The following TMEM200A variants were observed in gnomAD, a reference collection of about 807,000 sequenced individuals.
The protein encoded by TMEM200A is transmembrane protein 200A.
Under a neutral mutation model 24.3 loss-of-function variants are expected in TMEM200A, and 12 were observed. That is an observed-to-expected ratio of 0.49 (90% CI 0.32 to 0.80). The LOEUF is 0.80. Ranked by LOEUF, TMEM200A falls within the 30% of genes least tolerant of loss-of-function variation. The probability of loss-of-function intolerance (pLI) is 0.04; values close to 1 mark genes in which losing one functional copy is unlikely to be tolerated. For synonymous variants in TMEM200A, 224 were observed against 224.4 expected (o/e 1.00, Z 0.02); for missense variants, 545 against 614.4 (o/e 0.89, Z 1.19).
At chr6:130,434,416 T>C (rs973891993) in intron 2 of TMEM200A, among the ~76,000 whole-genome samples, 2 of 152,222 alleles carry the variant, frequency 1.3e-5, no homozygotes, top group Non-Finnish European at 2.9e-5. Context: ...CTCTCAGCTC[T>C]GGAAGTCTAT....
chr6:130,382,991 C>T lies in TMEM200A; in HGVS notation c.-80-2182C>T, dbSNP rs190841913. On this transcript the variant is annotated intron_variant, in intron 1 of 2. Coordinates refer to ENST00000296978, the MANE Select transcript of TMEM200A (RefSeq NM_001258277.2). ...AGTGACTCTAGATCAGGAAGCAAACCATCTCACCCAAGGGGCTGTGTGAGT... is the reference window on the plus strand; with the variant it reads ...AGTGACTCTAGATCAGGAAGCAAACTATCTCACCCAAGGGGCTGTGTGAGT... 112 of 984,726 alleles carry T rather than the reference C, an allele frequency of 1.1e-4. No individual in the cohort carries two copies. In the African/African-American group the frequency reaches 1.8e-3, roughly 16 times the overall value. 61.0% of individuals were successfully genotyped at this position (984,726 alleles called of 1,614,324 possible). A position where few individuals can be genotyped will look rare whatever the true frequency, so the allele number is the denominator to read the frequency against.
chr6:130,430,002 C>T (rs1286536775), intron 2 of TMEM200A, among the ~76,000 whole-genome samples: 1 of 152,164 alleles, frequency 6.6e-6, no homozygotes, highest in Non-Finnish European at 1.5e-5. Flanking sequence ...AAGCGACTCC[C>T]TCTTCATTTT....
At position 130,441,103 on chromosome 6, in the gene TMEM200A, G is replaced by A. The variant is rs1344100044; in HGVS notation, c.681G>A (p.Glu227=). Reference sequence around the variant, plus strand: ...GTTTTCGAATGGACAGCTCCGTGGAGGAGGATGAACTTATGTTAAATGAAG... The same window carrying A: ...GTTTTCGAATGGACAGCTCCGTGGAAGAGGATGAACTTATGTTAAATGAAG... ...RSSFRMDSSV[E]EDELMLNEGK... The change falls in exon 3 of 3, where the codon GAG becomes GAA. Residue 227 remains glutamate, a synonymous_variant. Coordinates refer to ENST00000296978, the MANE Select transcript of TMEM200A (RefSeq NM_001258277.2). The A allele has an allele frequency of 6.2e-7, 1 of 1,613,918 alleles. No individual in the cohort carries two copies. Among genetic ancestry groups the A allele is most frequent in the Non-Finnish European group, 8.5e-7 (1 of 1,180,000 alleles).
Position 130,440,873 on chromosome 6 carries a change from C to G in TMEM200A, c.451C>G (p.Arg151Gly). The change falls in exon 3 of 3, where the codon CGT (arginine) becomes GGT (glycine). Residue 151 changes from arginine (R) to glycine (G), a missense_variant. Arg to Gly is a moderately radical substitution (Grantham distance 125). Transcript: ENST00000296978. ...TGCTAATGCCATTCTTCATGAAAAC[C>G]GTGACAAAGAGACCAAAATCATACA... ...ICANAILHEN[R>G]DKETKIIHMR... 1 of 1,613,936 alleles carries G rather than the reference C, an allele frequency of 6.2e-7. No individual in the cohort carries two copies. The highest frequency in any genetic ancestry group is 8.5e-7 in the Non-Finnish European group (1 of 1,179,966).
chr6:130,422,031 A>C lies in TMEM200A; in HGVS notation c.-16-18376A>C, dbSNP rs111651567. Reference sequence around the variant, plus strand: ...CAGCAATGAAAATGGGATTGCAGATATCTCTTCAACATACTGATTTTATTT... The same window carrying C: ...CAGCAATGAAAATGGGATTGCAGATCTCTCTTCAACATACTGATTTTATTT... On this transcript the variant is annotated intron_variant, in intron 2 of 2. Coordinates refer to ENST00000296978, the MANE Select transcript of TMEM200A (RefSeq NM_001258277.2). Among the ~76,000 whole-genome samples the C allele has an allele frequency of 2.0e-3, 309 of 152,308 alleles. 1 individual carries two copies. Among genetic ancestry groups the C allele is most frequent in the African/African-American group, 7.2e-3 (300 of 41,560 alleles).
chr6:130,407,622 A>C (rs996888920), intron 2 of TMEM200A, among the ~76,000 whole-genome samples: 49 of 152,224 alleles, frequency 3.2e-4, no homozygotes, highest in African/African-American at 1.1e-3. Context: ...AATGCTTACT[A>C]TGTTTAAAAC....
intron 2 of TMEM200A, among the ~76,000 whole-genome samples, chr6:130,400,138 C>T (rs2115130414): frequency 6.6e-6 from 1 of 151,720 alleles, no homozygotes; most frequent in East Asian, 1.9e-4. Flanking sequence ...GTTTCTTTAT[C>T]CACTCGTTGA....
rs769111212 is a variant in TMEM200A at position 130,440,689 on chromosome 6, T to C, written c.267T>C (p.His89=). ...TTGGATATTGGCCCCAAAAAGAACA[T>C]TTTATTGATGCTGAAACAACACTGT... The part of the protein sequence containing the change: ...AVLGYWPQKE[H]FIDAETTLST... The change falls in exon 3 of 3, where the codon CAT becomes CAC. Residue 89 remains histidine (H), a synonymous_variant. Transcript: ENST00000296978. 1 of 1,614,078 alleles carries C rather than the reference T, an allele frequency of 6.2e-7. No individual in the cohort carries two copies. Among genetic ancestry groups the C allele is most frequent in the Non-Finnish European group, 8.5e-7 (1 of 1,179,932 alleles).
chr6:130,365,597 A>G (rs937408481), upstream of TMEM200A: 1 of 985,278 alleles, frequency 1.0e-6, no homozygotes, highest in Non-Finnish European at 1.2e-6. Flanking sequence ...GCTCCGGAGA[A>G]CTGGGGGAGC....
chr6:130,368,230 A>G (rs1338063102), intron 1 of TMEM200A, among the ~76,000 whole-genome samples: 1 of 152,240 alleles, frequency 6.6e-6, no homozygotes, highest in East Asian at 1.9e-4. Context: ...AACTACTGAC[A>G]TATAGAGGGA....
intron 2 of TMEM200A, among the ~76,000 whole-genome samples, chr6:130,428,020 A>G (rs985615051): frequency 6.6e-6 from 1 of 152,152 alleles, no homozygotes; most frequent in South Asian, 2.1e-4. Context: ...GGTAGGGTGT[A>G]TGTATGGTGT....
At chr6:130,426,484 C>A (rs117399755) in intron 2 of TMEM200A, among the ~76,000 whole-genome samples, 2,689 of 141,174 alleles carry the variant, frequency 0.019, 22 homozygotes, top group Non-Finnish European at 0.028. Context: ...AGTTTCCCTT[C>A]ATCACAAGGC....
At chr6:130,395,252 T>C (rs1778924799) in intron 2 of TMEM200A, among the ~76,000 whole-genome samples, 1 of 152,192 alleles carries the variant, frequency 6.6e-6, no homozygotes. Context: ...CTAGCTAGAT[T>C]GAGTTGCCTA....
rs1385856491 is a variant in TMEM200A at position 130,442,538 on chromosome 6, A to G, written c.*640A>G. 1.2e-5 allele frequency: 2 copies of G among 166,738 alleles called. No individual in the cohort carries two copies. Among genetic ancestry groups the G allele is most frequent in the Non-Finnish European group, 2.9e-5 (2 of 68,108 alleles). The allele number at this position is 166,738 out of a possible 1,614,324, so 10.3% of individuals were successfully genotyped here. A position where few individuals can be genotyped will look rare whatever the true frequency, so the allele number is the denominator to read the frequency against. ...AACGTATTCAAGAGCCATGGCTGACAGTGCCAGATATACTTAGGGATAAAC... is the reference window on the plus strand; with the variant it reads ...AACGTATTCAAGAGCCATGGCTGACGGTGCCAGATATACTTAGGGATAAAC... On this transcript the variant is annotated 3_prime_UTR_variant, in exon 3 of 3. Transcript: ENST00000296978.
At chr6:130,401,681 T>C (rs1047436319) in intron 2 of TMEM200A, among the ~76,000 whole-genome samples, 1 of 152,000 alleles carries the variant, frequency 6.6e-6, no homozygotes, top group Non-Finnish European at 1.5e-5. Flanking sequence ...ATTGCAAGAT[T>C]GTTTTCCTGA....
chr6:130,440,713 G>A lies in TMEM200A; in HGVS notation c.291G>A (p.Leu97=). Residue 97 remains leucine, a synonymous_variant, in exon 3 of 3, where the codon CTG becomes CTA. Transcript: ENST00000296978. ...KEHFIDAETT[L]STNETQVIRN... ...ATTTTATTGATGCTGAAACAACACT[G>A]TCAACAAATGAAACTCAGGTCATTC... 1 of 1,614,072 alleles carries A rather than the reference G, an allele frequency of 6.2e-7. No individual in the cohort carries two copies. Among genetic ancestry groups the A allele is most frequent in the Non-Finnish European group, 8.5e-7 (1 of 1,179,996 alleles).
chr6:130,370,380 G>T (rs1161624611), intron 1 of TMEM200A, among the ~76,000 whole-genome samples: 1 of 152,104 alleles, frequency 6.6e-6, no homozygotes, highest in Non-Finnish European at 1.5e-5. Context: ...GCCCAACCCT[G>T]TGTATATGTG....
At chr6:130,374,393 AGTTTTT>A (rs68138664) in intron 1 of TMEM200A, among the ~76,000 whole-genome samples, 64,591 of 146,712 alleles carry the variant, frequency 0.44, 17,034 homozygotes, top group African/African-American at 0.75. Context: ...AAAATGCCTG[AGTTTTT>A]GTTTTTGTTT....
At chr6:130,389,381 G>A (rs938808696) in intron 2 of TMEM200A, among the ~76,000 whole-genome samples, 3 of 151,692 alleles carry the variant, frequency 2.0e-5, no homozygotes, top group Admixed American at 6.6e-5. Flanking sequence ...GCAGTCTCTT[G>A]ACACTGTGTC....
Sources: gnomAD v4.1 joint callset for allele counts (sites outside exome capture counted in the v4.1 genomes callset) on GRCh38, gnomAD v4.1.1 for gene constraint, MANE v1.5 for transcripts, NCBI Gene and HGNC (gene_info 2026-07-23, HGNC 2026-07-21) for gene names.